Variants in PABPC4L observed in about 807,000 individuals in gnomAD.
PABPC4L encodes the protein poly(A) binding protein cytoplasmic 4 like.
For synonymous variants in PABPC4L, 169 were observed against 164.1 expected (o/e 1.03, Z -0.23); for missense variants, 452 against 451.4 (o/e 1.00, Z -0.01).
chr4:134,152,468 ACT>A, the PABPC4L span, among the ~76,000 whole-genome samples: 31 of 152,266 alleles, frequency 2.0e-4, no homozygotes, highest in African/African-American at 7.5e-4. Context: ...CCTGGTGAGT[ACT>A]GTCTACAGTG....
the PABPC4L span, among the ~76,000 whole-genome samples, chr4:134,082,906 G>T: frequency 6.6e-6 from 1 of 152,134 alleles, no homozygotes; most frequent in Non-Finnish European, 1.5e-5. Context: ...CTGGAAGCTG[G>T]CTGAGACTGT....
chr4:134,134,942 C>G, the PABPC4L span, among the ~76,000 whole-genome samples: 2 of 151,630 alleles, frequency 1.3e-5, no homozygotes, highest in African/African-American at 4.8e-5. Flanking sequence ...GTGTGGGAAC[C>G]AGAAATCAAT....
the PABPC4L span, among the ~76,000 whole-genome samples, chr4:134,007,209 C>A: frequency 6.6e-6 from 1 of 151,670 alleles, no homozygotes; most frequent in South Asian, 2.1e-4. Context: ...CCCAACTTTA[C>A]ATAATAGGGT....
the PABPC4L span, among the ~76,000 whole-genome samples, chr4:133,954,648 AT>A: frequency 6.6e-6 from 1 of 151,884 alleles, no homozygotes; most frequent in Non-Finnish European, 1.5e-5. Context: ...CTTGTTTCCC[AT>A]TTTTGGTTAG....
the PABPC4L span, among the ~76,000 whole-genome samples, chr4:134,071,736 A>G: frequency 6.6e-6 from 1 of 152,218 alleles, no homozygotes; most frequent in Admixed American, 6.5e-5. Context: ...ATTTTAATAC[A>G]GTAAATAATT....
the PABPC4L span, among the ~76,000 whole-genome samples, chr4:134,158,611 A>C: frequency 3.9e-5 from 6 of 152,134 alleles, no homozygotes; most frequent in African/African-American, 1.4e-4. Flanking sequence ...TATTTGCTTT[A>C]TAAGTGACTT....
chr4:133,952,236 C>T, the PABPC4L span, among the ~76,000 whole-genome samples: 1 of 152,158 alleles, frequency 6.6e-6, no homozygotes, highest in Non-Finnish European at 1.5e-5. Flanking sequence ...TGTGGCAGCA[C>T]AGTCCATTGG....
chr4:134,069,059 T>A, the PABPC4L span, among the ~76,000 whole-genome samples: 1 of 152,128 alleles, frequency 6.6e-6, no homozygotes, highest in African/African-American at 2.4e-5. Context: ...TTATCTGGAC[T>A]AGGATCCTAT....
the PABPC4L span, among the ~76,000 whole-genome samples, chr4:133,989,750 G>C: frequency 2.6e-5 from 4 of 151,986 alleles, no homozygotes; most frequent in African/African-American, 9.7e-5. Context: ...CCCCACTCAT[G>C]ATACCAATTT....
the PABPC4L span, among the ~76,000 whole-genome samples, chr4:134,154,973 A>G: frequency 2.6e-5 from 4 of 152,024 alleles, no homozygotes; most frequent in Non-Finnish European, 4.4e-5. Context: ...TTTTCTTTAT[A>G]TATAACATTA....
the PABPC4L span, among the ~76,000 whole-genome samples, chr4:134,106,223 A>G: frequency 6.6e-6 from 1 of 151,654 alleles, no homozygotes; most frequent in Non-Finnish European, 1.5e-5. Flanking sequence ...TACCCTGACT[A>G]TCATGCTCCT....
the PABPC4L span, among the ~76,000 whole-genome samples, chr4:133,999,971 T>G: frequency 6.6e-6 from 1 of 152,116 alleles, no homozygotes; most frequent in Non-Finnish European, 1.5e-5. Flanking sequence ...TAAGTTTAAG[T>G]GCAAAATAAA....
At chr4:134,071,442 G>A in the PABPC4L span, among the ~76,000 whole-genome samples, 4 of 152,098 alleles carry the variant, frequency 2.6e-5, no homozygotes, top group South Asian at 2.1e-4. Context: ...CCCTAGAACC[G>A]ATTGAGAACT....
chr4:133,968,258 G>A, the PABPC4L span, among the ~76,000 whole-genome samples: 1 of 152,272 alleles, frequency 6.6e-6, no homozygotes, highest in East Asian at 1.9e-4. Flanking sequence ...TAGTGCATGT[G>A]GGAATAGGCT....
At chr4:134,149,905 C>A in the PABPC4L span, among the ~76,000 whole-genome samples, 2 of 152,100 alleles carry the variant, frequency 1.3e-5, no homozygotes, top group Non-Finnish European at 2.9e-5. Flanking sequence ...AAAGTTTATT[C>A]TCTACTGCTA....
the PABPC4L span, among the ~76,000 whole-genome samples, chr4:134,060,777 G>T: frequency 6.6e-6 from 1 of 151,928 alleles, no homozygotes; most frequent in African/African-American, 2.4e-5. Flanking sequence ...CAACAACATG[G>T]ATGGAACTGG....
the PABPC4L span, among the ~76,000 whole-genome samples, chr4:134,087,213 A>G: frequency 6.6e-6 from 1 of 152,066 alleles, no homozygotes; most frequent in African/African-American, 2.4e-5. Context: ...GGATTAAGAA[A>G]ATGTGGCACA....
the PABPC4L span, among the ~76,000 whole-genome samples, chr4:134,098,937 G>A: frequency 6.6e-6 from 1 of 151,632 alleles, no homozygotes; most frequent in Non-Finnish European, 1.5e-5. Flanking sequence ...AGTACGTGGA[G>A]CTTTTTGATA....
the PABPC4L span, among the ~76,000 whole-genome samples, chr4:134,013,369 C>T: frequency 6.6e-5 from 10 of 151,960 alleles, 1 homozygote; most frequent in South Asian, 4.1e-4. Flanking sequence ...ACCTCTTCTC[C>T]GTGTCTCTAC....
Sources: allele counts gnomAD v4.1 joint callset (sites outside exome capture counted in the v4.1 genomes callset), GRCh38; gene constraint gnomAD v4.1.1; transcripts MANE v1.5; gene names NCBI Gene and HGNC (gene_info 2026-07-23, HGNC 2026-07-21).